Variants in PRUNE2 observed in about 807,000 individuals in gnomAD.
PRUNE2 encodes the protein prune homolog 2 with BCH domain.
A neutral mutation model predicts 252.0 loss-of-function variants in PRUNE2; 164 were observed. That is an observed-to-expected ratio of 0.65 (90% CI 0.57 to 0.74). The LOEUF (loss-of-function observed/expected upper bound fraction) is 0.74. Ranked by LOEUF, PRUNE2 falls within the 30% of genes least tolerant of loss-of-function variation. The pLI is 0.00. For synonymous variants in PRUNE2, 1,292 were observed against 1,350.2 expected, an observed-to-expected ratio of 0.96 and a Z score of 0.94; for missense variants, 3,495 against 3,711.0, an observed-to-expected ratio of 0.94 and a Z score of 1.51.
intron 4 of PRUNE2, among the ~76,000 whole-genome samples, chr9:76,844,108 C>T (rs1936285): frequency 0.23 from 35,028 of 152,044 alleles, 4,278 homozygotes; most frequent in African/African-American, 0.33. Flanking sequence ...GTTTTTACCT[C>T]TGAACATTTG....
At chr9:76,805,805 T>C (rs545601166) in intron 6 of PRUNE2, among the ~76,000 whole-genome samples, 12 of 152,264 alleles carry the variant, frequency 7.9e-5, no homozygotes, top group African/African-American at 2.6e-4. Flanking sequence ...CATAGAATAA[T>C]GAAGTAAGAA....
chr9:76,792,852 T>C (rs191831096), intron 6 of PRUNE2, among the ~76,000 whole-genome samples: 7 of 152,378 alleles, frequency 4.6e-5, no homozygotes, highest in Admixed American at 3.9e-4. Flanking sequence ...TTTGTTTCTC[T>C]AGATTCAGGC....
chr9:76,851,012 T>C (rs997132339), intron 2 of PRUNE2, among the ~76,000 whole-genome samples: 1 of 152,128 alleles, frequency 6.6e-6, no homozygotes, highest in Admixed American at 6.6e-5. Context: ...TGCATATATA[T>C]AAATTGTGCA....
intron 9 of PRUNE2, among the ~76,000 whole-genome samples, chr9:76,683,958 T>TATAC (rs962931038): frequency 5.3e-5 from 8 of 151,202 alleles, no homozygotes; most frequent in Middle Eastern, 3.5e-3. Flanking sequence ...TATATATATA[T>TATAC]ACACATATAT....
At chr9:76,878,256 C>T (rs1253471465) in intron 1 of PRUNE2, among the ~76,000 whole-genome samples, 4 of 152,166 alleles carry the variant, frequency 2.6e-5, no homozygotes, top group Non-Finnish European at 5.9e-5. Context: ...AAGGGAAGAG[C>T]AGGTGGAAGA....
intron 1 of PRUNE2, among the ~76,000 whole-genome samples, chr9:76,890,699 C>T (rs1403379914): frequency 1.3e-5 from 2 of 152,134 alleles, no homozygotes; most frequent in African/African-American, 2.4e-5. Context: ...AGCCTCCCAA[C>T]ACGGGGTCTG....
intron 6 of PRUNE2, among the ~76,000 whole-genome samples, chr9:76,717,610 C>CAT (rs1348125339): frequency 6.6e-6 from 1 of 152,072 alleles, no homozygotes; most frequent in East Asian, 1.9e-4. Flanking sequence ...TACGTGCATA[C>CAT]ATATATATCT....
chr9:76,683,823 A>G (rs1398719829), intron 9 of PRUNE2, among the ~76,000 whole-genome samples: 1 of 151,856 alleles, frequency 6.6e-6, no homozygotes, highest in Non-Finnish European at 1.5e-5. Flanking sequence ...ATATATATAT[A>G]TTTATGCCCC....
chr9:76,694,147 CTG>C (rs766229853), intron 9 of PRUNE2, among the ~76,000 whole-genome samples: 3 of 152,136 alleles, frequency 2.0e-5, no homozygotes, highest in Non-Finnish European at 4.4e-5. Context: ...AGAACAGACA[CTG>C]TAACTAATTC....
chr9:76,751,251 GACACACAC>G (rs3048276), intron 6 of PRUNE2, among the ~76,000 whole-genome samples: 1 of 149,132 alleles, frequency 6.7e-6, no homozygotes, highest in Non-Finnish European at 1.5e-5. Flanking sequence ...AGGGGACACA[GACACACAC>G]ACACACACAC....
At chr9:76,834,046 C>G (rs2058822596) in intron 4 of PRUNE2, among the ~76,000 whole-genome samples, 4 of 151,740 alleles carry the variant, frequency 2.6e-5, no homozygotes, top group African/African-American at 9.7e-5. Flanking sequence ...CCACACCTGG[C>G]TAATTTTTGT....
intron 9 of PRUNE2, among the ~76,000 whole-genome samples, chr9:76,682,466 A>T (rs1183863100): frequency 2.7e-5 from 4 of 149,840 alleles, no homozygotes; most frequent in Non-Finnish European, 4.4e-5. Flanking sequence ...GGTTCAAGCT[A>T]TTCTCCTACC....
chr9:76,625,354 C>T (rs1252720645), intron 16 of PRUNE2, among the ~76,000 whole-genome samples: 1 of 152,134 alleles, frequency 6.6e-6, no homozygotes, highest in Non-Finnish European at 1.5e-5. Flanking sequence ...GGTGTGTAGC[C>T]TAGGAGCAAC....
In PRUNE2 at chr9:76,711,134, C is replaced by G; in HGVS notation, c.1140G>C (p.Gln380His). 1.2e-6 allele frequency: 2 copies of G among 1,613,946 alleles called. No individual in the cohort carries two copies. Among genetic ancestry groups the G allele is most frequent in the Middle Eastern group, 1.6e-4 (1 of 6,062 alleles). ...ACAATTCCATAATCCCAGAAGACCC[C>G]TGGGAGAGGGGGGCACTGCCTGCCA... ...EAVAGSAPLS[Q>H]GSSGIMELYG... The change falls in exon 8 of 19, where the codon CAG becomes CAC. Residue 380 changes from glutamine to histidine, a missense_variant. Gln to His is a conservative substitution (Grantham distance 24). Transcript: ENST00000376718.
chr9:76,617,340 C>G (rs1830191616), intron 18 of PRUNE2, among the ~76,000 whole-genome samples: 1 of 152,166 alleles, frequency 6.6e-6, no homozygotes. Flanking sequence ...ATTGGAAGAA[C>G]CCTTGCCCAT....
intron 6 of PRUNE2, among the ~76,000 whole-genome samples, chr9:76,752,086 T>G (rs1162456139): frequency 3.9e-5 from 3 of 77,568 alleles, no homozygotes; most frequent in African/African-American, 6.7e-5. Context: ...TCAATTCCTG[T>G]TTTTTTTTTG....
In PRUNE2 at chr9:76,731,425, C is replaced by T. The variant is rs145178154; in HGVS notation, c.757-17704G>A. The stretch of plus-strand genomic sequence containing the variant: ...GCAGTCTTGACCTCCCAGGCTCCAG[C>T]GATCCTTCTGCCTCAGCCTCCTGAG... On this transcript the variant is annotated intron_variant, in intron 6 of 18. Coordinates refer to ENST00000376718, the MANE Select transcript of PRUNE2 (RefSeq NM_015225.3). Among the ~76,000 whole-genome samples the T allele has an allele frequency of 8.9e-3, 1,356 of 151,552 alleles. 81 individuals are homozygous for T. Among genetic ancestry groups the T allele is most frequent in the Admixed American group, 0.082 (1,253 of 15,194 alleles).
Position 76,708,902 on chromosome 9 carries a change from CT to C in PRUNE2, c.3371del (p.Gln1124ArgfsTer46), listed in dbSNP as rs2046501079. The C allele has an allele frequency of 3.7e-6, 6 of 1,613,846 alleles. No individual in the cohort carries two copies. The highest frequency in any genetic ancestry group is 5.1e-6 in the Non-Finnish European group (6 of 1,179,904). On this transcript the variant is annotated frameshift_variant, in exon 8 of 19. Transcript: ENST00000376718. LOFTEE classifies it high-confidence loss of function. ...LWNRVILEDT[Q>X]STATISDMDN... ...CCATATCTGAGATCGTTGCAGTGGA[CT>C]GAGTATCCTCCAAAATCACTCTGTT...
At chr9:76,683,922 A>G in intron 9 of PRUNE2, among the ~76,000 whole-genome samples, 1 of 151,008 alleles carries the variant, frequency 6.6e-6, no homozygotes, top group East Asian at 1.9e-4. Context: ...CATAAAATAT[A>G]TATAGTATAC....
Sources: allele counts gnomAD v4.1 joint callset (sites outside exome capture counted in the v4.1 genomes callset), GRCh38; gene constraint gnomAD v4.1.1; transcripts MANE v1.5; gene names NCBI Gene and HGNC (gene_info 2026-07-23, HGNC 2026-07-21).